The following CMYA5 variants were observed in gnomAD, a reference collection of about 807,000 sequenced individuals.
CMYA5 encodes the protein cardiomyopathy-associated protein 5.
CMYA5 carries 246 observed loss-of-function variants against 318.9 expected under a neutral mutation model. The ratio of observed to expected loss-of-function variants is 0.77; its 90% CI spans 0.70 to 0.86. CMYA5 has a LOEUF of 0.86. Ranked by LOEUF, CMYA5 falls within the 40% of genes least tolerant of loss-of-function variation. The pLI, the probability that CMYA5 is intolerant of heterozygous loss-of-function variation, is 0.00. For synonymous variants in CMYA5, 1,641 were observed against 1,729.5 expected (o/e 0.95, Z 1.27); for missense variants, 4,589 against 4,678.2 (o/e 0.98, Z 0.56).
In CMYA5 at chr5:79,754,710, T is replaced by C. The variant is rs141395275; in HGVS notation, c.11110+1916T>C. ...AATTTACCATCTTGCCCATTTTTAA[T>C]TGTACAGTTTAGTGGCATTAAGGAC... On this transcript the variant is annotated intron_variant, in intron 6 of 12. Coordinates refer to ENST00000446378, the MANE Select transcript of CMYA5 (RefSeq NM_153610.5). 8.2e-3 allele frequency among the ~76,000 whole-genome samples: 1,250 copies of C among 152,282 alleles called. 8 individuals carry two copies. The highest frequency in any genetic ancestry group is 0.024 in the Middle Eastern group (7 of 294).
chr5:79,712,154 C>T (rs1157479825), intron 1 of CMYA5, among the ~76,000 whole-genome samples: 1 of 152,152 alleles, frequency 6.6e-6, no homozygotes, highest in African/African-American at 2.4e-5. Flanking sequence ...TTCACCTATC[C>T]CTGTTCATCC....
In CMYA5 at chr5:79,731,885, A is replaced by G; in HGVS notation, c.3120A>G (p.Glu1040=). The G allele has an allele frequency of 6.2e-7, 1 of 1,613,562 alleles. No individual in the cohort carries two copies. ...CTTCAGGTTATTCCTGCTTTTCAGA[A>G]GCAGATGAGGAAGACATTGGATCCA... ...VSASGYSCFS[E]ADEEDIGSTA... Residue 1040 remains glutamate (E), a synonymous_variant, in exon 2 of 13, where the codon GAA becomes GAG. Coordinates refer to ENST00000446378, the MANE Select transcript of CMYA5 (RefSeq NM_153610.5).
chr5:79,724,923 C>CA (rs1385008690), intron 1 of CMYA5, among the ~76,000 whole-genome samples: 2 of 152,190 alleles, frequency 1.3e-5, no homozygotes, highest in Admixed American at 6.5e-5. Context: ...ATGACCTCCC[C>CA]ATCCTTACAC....
intron 1 of CMYA5, among the ~76,000 whole-genome samples, chr5:79,711,352 C>T (rs1394665985): frequency 6.6e-6 from 1 of 152,166 alleles, no homozygotes; most frequent in Non-Finnish European, 1.5e-5. Context: ...CCCCTGCCAC[C>T]AACCGTACCT....
chr5:79,730,534 C>A lies in CMYA5; in HGVS notation c.1769C>A (p.Thr590Asn). The A allele has an allele frequency of 6.2e-7, 1 of 1,613,974 alleles. No individual in the cohort carries two copies. The highest frequency in any genetic ancestry group is 8.5e-7 in the Non-Finnish European group (1 of 1,179,878). Residue 590 changes from threonine to asparagine, a missense_variant, in exon 2 of 13, where the codon ACT becomes AAT. By Grantham distance (65) the Thr-to-Asn change is moderately conservative (BLOSUM62 0). Around this residue, in one of 3 missense-constraint regions of CMYA5, gnomAD observed 2,132 missense variants for 2,131.3 expected, o/e 1.00. Transcript: ENST00000446378. The part of the protein sequence containing the change: ...EEREEIASVS[T>N]GSAFVSEYSV... Reference sequence around the variant, plus strand: ...AGAGAGGAAATTGCATCTGTTTCTACTGGTTCTGCTTTTGTATCAGAGTAT... The same window carrying A: ...AGAGAGGAAATTGCATCTGTTTCTAATGGTTCTGCTTTTGTATCAGAGTAT...
At position 79,733,024 on chromosome 5, in the gene CMYA5, C is replaced by G; in HGVS notation, c.4259C>G (p.Ala1420Gly). The change falls in exon 2 of 13, where the codon GCA (alanine) becomes GGA (glycine). Residue 1420 changes from alanine (A) to glycine (G), a missense_variant. By Grantham distance (60) the Ala-to-Gly change is moderately conservative. Coordinates refer to ENST00000446378, the MANE Select transcript of CMYA5 (RefSeq NM_153610.5). Reference protein sequence around the residue: ...HSVLAEEDKVAIKGASPIETS... With the variant: ...HSVLAEEDKVGIKGASPIETS... ...GTTCTTGCAGAAGAAGACAAGGTGG[C>G]AATTAAAGGTGCTTCTCCCATTGAA... 3 of 1,613,308 alleles carry G rather than the reference C, an allele frequency of 1.9e-6. No individual in the cohort carries two copies. Among genetic ancestry groups the G allele is most frequent in the South Asian group, 2.2e-5 (2 of 91,008 alleles).
chr5:79,762,814 G>A (rs773774532), intron 8 of CMYA5: 1 of 458,302 alleles, frequency 2.2e-6, no homozygotes, highest in Non-Finnish European at 3.9e-6. Flanking sequence ...AGTCTAGTGG[G>A]ATTTATAGGA....
At position 79,729,438 on chromosome 5, in the gene CMYA5, G is replaced by T. The variant is rs754738858; in HGVS notation, c.673G>T (p.Val225Leu). 6.2e-7 allele frequency: 1 copy of T among 1,613,044 alleles called. No homozygotes were observed. The highest frequency in any genetic ancestry group is 1.7e-5 in the Admixed American group (1 of 59,910). Residue 225 changes from valine (V) to leucine (L), a missense_variant, in exon 2 of 13, where the codon GTA becomes TTA. Transcript: ENST00000446378. ...LVLRPVYIGT[V>L]QYKIKMFNSV... ...GTTAAGACCAGTCTACATAGGAACA[G>T]TACAATATAAAATTAAGATGTTTAA...
chr5:79,735,908 A>G lies in CMYA5; in HGVS notation c.7143A>G (p.Val2381=). The G allele has an allele frequency of 6.2e-7, 1 of 1,603,066 alleles. No individual in the cohort carries two copies. Among genetic ancestry groups the G allele is most frequent in the Non-Finnish European group, 8.5e-7 (1 of 1,176,934 alleles). Residue 2381 remains valine (V), a synonymous_variant, in exon 2 of 13, where the codon GTA becomes GTG. Coordinates refer to ENST00000446378, the MANE Select transcript of CMYA5 (RefSeq NM_153610.5). The stretch of plus-strand genomic sequence containing the variant: ...AATCACTCCTTTCATTTGATGTAGT[A>G]GATAAGGTGCCACAACAGCCAAAAT... ...KQKSLLSFDV[V]DKVPQQPKSA...
chr5:79,771,160 C>T (rs1828849184), intron 9 of CMYA5, among the ~76,000 whole-genome samples: 2 of 151,934 alleles, frequency 1.3e-5, no homozygotes, highest in African/African-American at 2.4e-5. Flanking sequence ...CTCATTTAAT[C>T]CCCACAAAAA....
At chr5:79,792,339 T>C (rs1016894897) in intron 11 of CMYA5, among the ~76,000 whole-genome samples, 2 of 152,120 alleles carry the variant, frequency 1.3e-5, no homozygotes, top group African/African-American at 4.8e-5. Flanking sequence ...AAAAAATAGA[T>C]TGAAGAAATA....
At chr5:79,798,193 C>T (rs1222698359) in intron 12 of CMYA5, among the ~76,000 whole-genome samples, 2 of 152,082 alleles carry the variant, frequency 1.3e-5, no homozygotes, top group Admixed American at 6.6e-5. Context: ...TAAATACTTG[C>T]ACTTGAGCTT....
At chr5:79,749,865 C>T (rs993021139) in intron 5 of CMYA5, among the ~76,000 whole-genome samples, 5 of 152,068 alleles carry the variant, frequency 3.3e-5, no homozygotes, top group Non-Finnish European at 7.4e-5. Flanking sequence ...ATTTTGTAAC[C>T]ACCTCCTGTT....
At position 79,732,432 on chromosome 5, in the gene CMYA5, G is replaced by A. The variant is rs773251108; in HGVS notation, c.3667G>A (p.Asp1223Asn). The change falls in exon 2 of 13, where the codon GAT becomes AAT. Residue 1223 changes from aspartate to asparagine, a missense_variant. Asp to Asn is a conservative substitution (Grantham distance 23). Transcript: ENST00000446378. ...SQEATAHVSQDQKMEPQPPNV... is the reference protein window; with the variant it reads ...SQEATAHVSQNQKMEPQPPNV... ...AGAAGCTACAGCACATGTATCACAG[G>A]ATCAAAAAATGGAGCCTCAGCCTCC... 5.6e-6 allele frequency: 9 copies of A among 1,613,250 alleles called. No homozygotes were observed. In the South Asian group the frequency reaches 9.9e-5, roughly 18 times the overall value.
At chr5:79,706,778 T>G (rs865980950) in intron 1 of CMYA5, among the ~76,000 whole-genome samples, 1 of 152,188 alleles carries the variant, frequency 6.6e-6, no homozygotes, top group East Asian at 1.9e-4. Context: ...AACCTGGCAT[T>G]GTCTTTACAC....
intron 1 of CMYA5, among the ~76,000 whole-genome samples, chr5:79,714,944 G>A (rs1364941249): frequency 6.6e-6 from 1 of 152,056 alleles, no homozygotes; most frequent in Non-Finnish European, 1.5e-5. Flanking sequence ...ATTTTGCAAG[G>A]CTCATTTAAA....
At chr5:79,716,774 A>G (rs114049495) in intron 1 of CMYA5, among the ~76,000 whole-genome samples, 123 of 152,308 alleles carry the variant, frequency 8.1e-4, no homozygotes, top group African/African-American at 2.9e-3. Context: ...TTAGGTAAGC[A>G]CTCAGTTTGT....
chr5:79,792,527 A>G (rs929261829), intron 11 of CMYA5, among the ~76,000 whole-genome samples: 2 of 152,232 alleles, frequency 1.3e-5, no homozygotes, highest in Non-Finnish European at 1.5e-5. Flanking sequence ...GCCTTGCTCC[A>G]GAGTGAGGGC....
chr5:79,689,972 C>T lies in CMYA5; in HGVS notation c.65C>T (p.Ala22Val), dbSNP rs1826922204. The T allele has an allele frequency of 1.5e-6, 2 of 1,329,594 alleles. No homozygotes were observed. Among genetic ancestry groups the T allele is most frequent in the South Asian group, 1.3e-5 (1 of 78,882 alleles). The allele number at this position is 1,329,594 out of a possible 1,614,324, so 82.4% of individuals were successfully genotyped here. A position where few individuals can be genotyped will look rare whatever the true frequency, so the allele number is the denominator to read the frequency against. ...SFLGSDGDEE[A>V]TRELETEEES... ...CTCGGCTCCGACGGGGACGAGGAGG[C>T]GACCCGGGAGCTGGAGACCGAGGAG... Residue 22 changes from alanine (A) to valine (V), a missense_variant, in exon 1 of 13, where the codon GCG (alanine) becomes GTG (valine). Coordinates refer to ENST00000446378, the MANE Select transcript of CMYA5 (RefSeq NM_153610.5).
Sources: gnomAD v4.1 joint callset for allele counts (sites outside exome capture counted in the v4.1 genomes callset) on GRCh38, gnomAD v4.1.1 for gene constraint, gnomAD v4.1.1 regional missense constraint, MANE v1.5 for transcripts, NCBI Gene and HGNC (gene_info 2026-07-23, HGNC 2026-07-21) for gene names.